The following DNAH9 variants were observed in gnomAD, a reference collection of about 807,000 sequenced individuals.
The protein encoded by DNAH9 is DNAH9 variant protein.
A neutral mutation model predicts 471.6 loss-of-function variants in DNAH9; 345 were observed. That is an observed-to-expected ratio of 0.73 (90% CI 0.67 to 0.80). The LOEUF is 0.80. DNAH9 is among the 30% of genes least tolerant of loss of function. The pLI is 0.00. For synonymous variants in DNAH9, 2,093 were observed against 2,123.6 expected (o/e 0.99, Z 0.40); for missense variants, 5,407 against 5,609.2 (o/e 0.96, Z 1.15).
chr17:11,716,801 G>A, intron 26 of DNAH9, among the ~76,000 whole-genome samples: 1 of 152,226 alleles, frequency 6.6e-6, no homozygotes, highest in East Asian at 1.9e-4. Flanking sequence ...AAGGCAATGA[G>A]AGGGAAGGAA....
rs772039445 is a variant in DNAH9 at position 11,598,769 on chromosome 17, C to T, written c.271C>T (p.Pro91Ser). ...AATACGCCCCGGGCTGGAGGTGGGA[C>T]CTGAGTCGGGCCTGGCTGGCGCTAA... is the stretch of plus-strand genomic sequence containing the variant. ...LAIRPGLEVG[P>S]ESGLAGAKAL... Residue 91 changes from proline to serine, a missense_variant, in exon 1 of 69, where the codon CCT becomes TCT. Pro to Ser is a moderately conservative substitution (Grantham distance 74). This residue lies in a region of DNAH9 where 767 missense variants were observed against 692.5 expected (regional missense o/e 1.11). Coordinates refer to ENST00000262442, the MANE Select transcript of DNAH9 (RefSeq NM_001372.4). The T allele has an allele frequency of 6.9e-6, 10 of 1,456,924 alleles. No individual in the cohort carries two copies. Among genetic ancestry groups the T allele is most frequent in the Non-Finnish European group, 9.0e-6 (10 of 1,109,226 alleles). The allele number at this position is 1,456,924 out of a possible 1,614,324, so 90.2% of individuals were successfully genotyped here.
intron 3 of DNAH9, among the ~76,000 whole-genome samples, chr17:11,610,964 C>T (rs889280324): frequency 6.6e-6 from 1 of 152,142 alleles, no homozygotes; most frequent in Non-Finnish European, 1.5e-5. Context: ...GGCTGCAGAA[C>T]AGCCTTTCCT....
chr17:11,713,304 T>C (rs966451161), intron 26 of DNAH9, among the ~76,000 whole-genome samples: 1 of 152,196 alleles, frequency 6.6e-6, no homozygotes, highest in Non-Finnish European at 1.5e-5. Context: ...AATCTGTCAT[T>C]AATGGACATT....
chr17:11,915,564 A>T (rs2151022706), intron 61 of DNAH9, among the ~76,000 whole-genome samples: 1 of 152,040 alleles, frequency 6.6e-6, no homozygotes, highest in African/African-American at 2.4e-5. Flanking sequence ...CAAAACAAAA[A>T]ACTTTCTAGT....
At chr17:11,951,660 C>T (rs1975364702) in intron 67 of DNAH9, among the ~76,000 whole-genome samples, 1 of 152,204 alleles carries the variant, frequency 6.6e-6, no homozygotes, top group Middle Eastern at 3.4e-3. Context: ...TGTGGTGGCT[C>T]ACACCTGTAA....
intron 67 of DNAH9, among the ~76,000 whole-genome samples, chr17:11,947,779 T>A (rs1285140121): frequency 3.6e-5 from 5 of 139,392 alleles, no homozygotes; most frequent in African/African-American, 1.3e-4. Flanking sequence ...ACTATTTTTT[T>A]TTTTTTTTTT....
In DNAH9 at chr17:11,962,162, T is replaced by C. The variant is rs369759998; in HGVS notation, c.13139T>C (p.Met4380Thr). 37 of 1,613,926 alleles carry C rather than the reference T, an allele frequency of 2.3e-5. No individual in the cohort carries two copies. Among genetic ancestry groups the C allele is most frequent in the African/African-American group, 1.3e-5 (1 of 74,882 alleles). Reference sequence around the variant, plus strand: ...GACCAGATGGCCCTGCAATGTGACATGACGAAGAAGAACAGAGAAGAGTTT... The same window carrying C: ...GACCAGATGGCCCTGCAATGTGACACGACGAAGAAGAACAGAGAAGAGTTT... ...PLDQMALQCDMTKKNREEFRS... is the reference protein window; with the variant it reads ...PLDQMALQCDTTKKNREEFRS... Residue 4380 changes from methionine (M) to threonine (T), a missense_variant, in exon 68 of 69, where the codon ATG becomes ACG. Coordinates refer to ENST00000262442, the MANE Select transcript of DNAH9 (RefSeq NM_001372.4). This position sits in a 1 kb window ranked among gnomAD's most constrained non-coding sequence, Gnocchi z 4.1.
Position 11,962,858 on chromosome 17 carries a change from G to A in DNAH9, c.13233+602G>A, listed in dbSNP as rs1448618863. On this transcript the variant is annotated intron_variant, in intron 68 of 68. Transcript: ENST00000262442. This position sits in a 1 kb window ranked among gnomAD's most constrained non-coding sequence, Gnocchi z 4.1. ...CTGCCTTTTATGTTGTCCTATGTTG[G>A]CAAAGAGGAGCCAGTAGATATCACT... 1.3e-5 allele frequency among the ~76,000 whole-genome samples: 2 copies of A among 152,212 alleles called. No individual in the cohort carries two copies. Among genetic ancestry groups the A allele is most frequent in the African/African-American group, 2.4e-5 (1 of 41,532 alleles).
rs111963634 is a variant in DNAH9 at position 11,762,758 on chromosome 17, GT to G, written c.6996-671del. On this transcript the variant is annotated intron_variant, in intron 35 of 68. Transcript: ENST00000262442. ...GCACCAAAATTGCCTCTTTAGGTGC[GT>G]TTTTTTTTTTGTTTTTTTTTTTTTT... 1.2e-3 allele frequency among the ~76,000 whole-genome samples: 113 copies of G among 94,756 alleles called. 7 individuals carry two copies. The highest frequency in any genetic ancestry group is 0.011 in the South Asian group (28 of 2,666). The allele number at this position is 94,756 out of a possible 152,430, so 62.2% of individuals were successfully genotyped here.
At chr17:11,701,329 GA>G in intron 24 of DNAH9, 82 bp downstream of exon 24, 1 of 1,494,100 alleles carries the variant, frequency 6.7e-7, no homozygotes, top group Non-Finnish European at 9.2e-7. Flanking sequence ...GCAGCTGGTA[GA>G]TATCAGGCTG....
At chr17:11,918,358 G>C (rs1198288248) in intron 61 of DNAH9, among the ~76,000 whole-genome samples, 1 of 151,956 alleles carries the variant, frequency 6.6e-6, no homozygotes, top group East Asian at 1.9e-4. Flanking sequence ...CAGCCTCCCA[G>C]GTAGCTGGAC....
chr17:11,920,513 C>T (rs186715023), intron 61 of DNAH9, among the ~76,000 whole-genome samples: 288 of 150,004 alleles, frequency 1.9e-3, no homozygotes, highest in South Asian at 4.1e-3. Flanking sequence ...CTCAGCTACT[C>T]GGGAGGCTGA....
Position 11,854,429 on chromosome 17 carries a change from G to C in DNAH9, c.9933+1G>C, listed in dbSNP as rs771652140. On this transcript the variant is annotated splice_donor_variant, in intron 50 of 68. Coordinates refer to ENST00000262442, the MANE Select transcript of DNAH9 (RefSeq NM_001372.4). LOFTEE classifies it high-confidence loss of function. ...GGCTGCCATCAAAGCCAAGATCGCTGTGAGTGACCCCAGAGCCCCTCACCC... is the reference window on the plus strand; with the variant it reads ...GGCTGCCATCAAAGCCAAGATCGCTCTGAGTGACCCCAGAGCCCCTCACCC... 4.2e-5 allele frequency: 67 copies of C among 1,609,800 alleles called. No homozygotes were observed. The highest frequency in any genetic ancestry group is 5.4e-5 in the Non-Finnish European group (64 of 1,177,724).
chr17:11,808,011 T>C, intron 44 of DNAH9, 117 bp downstream of exon 44: 2 of 1,190,622 alleles, frequency 1.7e-6, no homozygotes, highest in Non-Finnish European at 2.3e-6. Context: ...TCAATGTCTG[T>C]CCATTTCTGT....
chr17:11,683,664 T>G (rs2150745010), intron 19 of DNAH9, among the ~76,000 whole-genome samples: 1 of 152,318 alleles, frequency 6.6e-6, no homozygotes, highest in South Asian at 2.1e-4. Flanking sequence ...GTTTTTTCAT[T>G]TTATTTTTAT....
intron 27 of DNAH9, chr17:11,723,388 A>G (rs542714703): frequency 6.6e-6 from 1 of 152,376 alleles, no homozygotes; most frequent in Admixed American, 6.5e-5. Context: ...CCTTTGCCCT[A>G]TTCTTGCCAT....
At chr17:11,844,631 T>C (rs1210953077) in intron 49 of DNAH9, among the ~76,000 whole-genome samples, 1 of 152,156 alleles carries the variant, frequency 6.6e-6, no homozygotes, top group African/African-American at 2.4e-5. Flanking sequence ...GGTCTCAAAC[T>C]CCTGACCTTG....
In DNAH9 at chr17:11,784,533, T is replaced by C; in HGVS notation, c.8055T>C (p.Ile2685=). The C allele has an allele frequency of 6.2e-7, 1 of 1,614,098 alleles. No homozygotes were observed. The highest frequency in any genetic ancestry group is 8.5e-7 in the Non-Finnish European group (1 of 1,180,030). ...TCAACCTCAGAGATTTTGCCAACAT[T>C]TTCCAGGTGAGTTCATCGGCTCCGA... is the stretch of plus-strand genomic sequence containing the variant. ...YIFNLRDFAN[I]FQGILFSSVE... Residue 2685 remains isoleucine, a synonymous_variant, in exon 41 of 69, where the codon ATT becomes ATC. Transcript: ENST00000262442.
rs1371636556 is a variant in DNAH9 at position 11,783,678 on chromosome 17, T to A, written c.7751T>A (p.Ile2584Asn). Residue 2584 changes from isoleucine (I) to asparagine (N), a missense_variant, in exon 40 of 69, where the codon ATC (isoleucine) becomes AAC (asparagine). Transcript: ENST00000262442. The part of the protein sequence containing the change: ...YDRSKLSLKE[I>N]TNVQYVSCMN... ...CGGAGCAAGCTGTCCCTAAAGGAGATCACAAATGTACAGTATGTTTCCTGT... is the reference window on the plus strand; with the variant it reads ...CGGAGCAAGCTGTCCCTAAAGGAGAACACAAATGTACAGTATGTTTCCTGT... 6.2e-7 allele frequency: 1 copy of A among 1,614,036 alleles called. No homozygotes were observed. Among genetic ancestry groups the A allele is most frequent in the East Asian group, 2.2e-5 (1 of 44,854 alleles).
Sources: gnomAD v4.1 joint callset for allele counts (sites outside exome capture counted in the v4.1 genomes callset) on GRCh38, gnomAD v4.1.1 for gene constraint, gnomAD v4.1.1 regional missense constraint, Gnocchi (gnomAD v3.1) non-coding constraint, MANE v1.5 for transcripts, NCBI Gene and HGNC (gene_info 2026-07-23, HGNC 2026-07-21) for gene names.